Variants in KCNN2 observed in about 807,000 individuals in gnomAD.
KCNN2 encodes small conductance calcium-activated potassium channel protein 2.
In KCNN2, 24 loss-of-function variants were observed where a neutral mutation model predicts 55.5. The ratio of observed to expected loss-of-function variants is 0.43; its 90% CI spans 0.31 to 0.61. KCNN2 has a LOEUF of 0.61. Among genes scored for constraint, KCNN2 ranks in the 20% least tolerant of loss-of-function variants. The pLI is 0.08. For missense variants in KCNN2, 754 were observed against 853.6 expected, an observed-to-expected ratio of 0.88 and a Z score of 1.45; for synonymous variants, 431 against 336.1, an observed-to-expected ratio of 1.28 and a Z score of -3.09.
At chr5:114,346,475 T>C (rs1272265136) in intron 2 of KCNN2, among the ~76,000 whole-genome samples, 1 of 152,092 alleles carries the variant, frequency 6.6e-6, no homozygotes, top group East Asian at 1.9e-4. Context: ...TAAATAAATA[T>C]ATTGTGAGTA....
intron 2 of KCNN2, among the ~76,000 whole-genome samples, chr5:114,271,005 G>A (rs181937654): frequency 6.6e-6 from 1 of 152,152 alleles, no homozygotes; most frequent in African/African-American, 2.4e-5. Flanking sequence ...GTGAGCAGCA[G>A]CAAGATTTAT....
chr5:114,181,710 T>C (rs935781607), intron 1 of KCNN2, among the ~76,000 whole-genome samples: 1 of 152,214 alleles, frequency 6.6e-6, no homozygotes, highest in Non-Finnish European at 1.5e-5. Flanking sequence ...TTTAGATCTA[T>C]GTCCATGTCA....
intron 1 of KCNN2, among the ~76,000 whole-genome samples, chr5:114,164,209 A>G (rs564119271): frequency 6.6e-6 from 1 of 152,372 alleles, no homozygotes; most frequent in South Asian, 2.1e-4. Context: ...CCATAGTACA[A>G]GAATTACCAT....
chr5:114,063,546 A>G (rs1366714747), intron 1 of KCNN2, among the ~76,000 whole-genome samples: 1 of 152,146 alleles, frequency 6.6e-6, no homozygotes, highest in East Asian at 1.9e-4. Flanking sequence ...GGTGATGCTG[A>G]TGCTGCAAGT....
intron 6 of KCNN2, among the ~76,000 whole-genome samples, chr5:114,487,783 T>A (rs749798744): frequency 6.6e-6 from 1 of 152,190 alleles, no homozygotes; most frequent in Non-Finnish European, 1.5e-5. Flanking sequence ...AAGCACAGGA[T>A]CTTTCTCCTC....
intron 3 of KCNN2, among the ~76,000 whole-genome samples, chr5:114,406,804 G>A (rs537743287): frequency 1.4e-4 from 21 of 151,804 alleles, no homozygotes; most frequent in East Asian, 1.9e-4. Context: ...CTCTTTCTTC[G>A]TTCTTTATTT....
At chr5:114,233,696 G>A (rs1164216099) in intron 2 of KCNN2, among the ~76,000 whole-genome samples, 2 of 152,072 alleles carry the variant, frequency 1.3e-5, no homozygotes, top group African/African-American at 4.8e-5. Flanking sequence ...TTTTACCAAT[G>A]GGCATATTTT....
chr5:114,195,296 A>G (rs1189382912), intron 1 of KCNN2, among the ~76,000 whole-genome samples: 1 of 151,732 alleles, frequency 6.6e-6, no homozygotes, highest in East Asian at 1.9e-4. Context: ...CCAACTGAAC[A>G]ATATTTTATT....
At chr5:114,247,516 A>G (rs1357685309) in intron 2 of KCNN2, among the ~76,000 whole-genome samples, 1 of 152,224 alleles carries the variant, frequency 6.6e-6, no homozygotes, top group African/African-American at 2.4e-5. Context: ...AATAATTTCT[A>G]AAGACTTTTT....
At chr5:114,494,723 A>G (rs1304826179) in intron 7 of KCNN2, among the ~76,000 whole-genome samples, 1 of 152,094 alleles carries the variant, frequency 6.6e-6, no homozygotes, top group Non-Finnish European at 1.5e-5. Context: ...GGGACTGTAC[A>G]TACCATAAAG....
At chr5:114,168,274 G>T (rs559366761) in intron 1 of KCNN2, among the ~76,000 whole-genome samples, 1 of 151,316 alleles carries the variant, frequency 6.6e-6, no homozygotes, top group African/African-American at 2.4e-5. Context: ...GTTTCCATAG[G>T]ATATTTATCA....
At chr5:114,161,750 T>C (rs887923452) in intron 1 of KCNN2, among the ~76,000 whole-genome samples, 1 of 152,226 alleles carries the variant, frequency 6.6e-6, no homozygotes, top group African/African-American at 2.4e-5. Flanking sequence ...ATTTCATTCG[T>C]TTTGTCTTCC....
chr5:114,216,872 T>G (rs1490445238), intron 1 of KCNN2, among the ~76,000 whole-genome samples: 1 of 152,076 alleles, frequency 6.6e-6, no homozygotes, highest in Non-Finnish European at 1.5e-5. Flanking sequence ...AGAAAAAAAT[T>G]TTTAAAAACC....
At chr5:114,251,862 T>TTTTTTC (rs1012734446) in intron 2 of KCNN2, among the ~76,000 whole-genome samples, 5 of 151,072 alleles carry the variant, frequency 3.3e-5, no homozygotes, top group South Asian at 2.1e-4. Flanking sequence ...GGTTTTTCTG[T>TTTTTTC]TTTTTCTTTT....
chr5:114,224,007 A>T (rs1194555771), intron 2 of KCNN2, among the ~76,000 whole-genome samples: 1 of 152,218 alleles, frequency 6.6e-6, no homozygotes, highest in East Asian at 1.9e-4. Flanking sequence ...AACAGTGTTC[A>T]GTGATGCTGA....
chr5:114,147,577 T>C (rs1053626718), intron 1 of KCNN2, among the ~76,000 whole-genome samples: 3 of 152,164 alleles, frequency 2.0e-5, no homozygotes, highest in Non-Finnish European at 4.4e-5. Context: ...TGGGTCAATA[T>C]GAGAGACTTG....
At position 114,372,593 on chromosome 5, in the gene KCNN2, C is replaced by T. The variant is rs193093585; in HGVS notation, c.1218+8592C>T. Among the ~76,000 whole-genome samples the T allele has an allele frequency of 3.6e-3, 552 of 151,824 alleles. 14 individuals are homozygous for T. Among genetic ancestry groups the T allele is most frequent in the Admixed American group, 6.3e-3 (96 of 15,238 alleles). ...TACTCTTAAAAATTTTATTTTTTCCCTTCAGATTATAAAATTAATAACTAT... is the reference window on the plus strand; with the variant it reads ...TACTCTTAAAAATTTTATTTTTTCCTTTCAGATTATAAAATTAATAACTAT... On this transcript the variant is annotated intron_variant, in intron 2 of 7. Transcript: ENST00000673685.
intron 2 of KCNN2, among the ~76,000 whole-genome samples, chr5:114,331,784 CA>C (rs1756825716): frequency 2.0e-5 from 3 of 152,134 alleles, no homozygotes; most frequent in Non-Finnish European, 2.9e-5. Context: ...CAATTTTCTT[CA>C]AAAATATTCT....
intron 2 of KCNN2, among the ~76,000 whole-genome samples, chr5:114,380,658 T>A (rs1237437770): frequency 6.6e-6 from 1 of 152,216 alleles, no homozygotes; most frequent in East Asian, 1.9e-4. Context: ...TTTTCATTAT[T>A]GTATTCATCA....
Sources: gnomAD v4.1 joint callset for allele counts (sites outside exome capture counted in the v4.1 genomes callset) on GRCh38, gnomAD v4.1.1 for gene constraint, MANE v1.5 for transcripts, NCBI Gene and HGNC (gene_info 2026-07-23, HGNC 2026-07-21) for gene names.